SARDH: variants seen among roughly 807,000 people sequenced by gnomAD.
SARDH encodes the protein sarcosine dehydrogenase, also known as sarcosine dehydrogenase, mitochondrial.
Under a neutral mutation model 109.1 loss-of-function variants are expected in SARDH, and 95 were observed. That is an observed-to-expected ratio of 0.87 (90% CI 0.74 to 1.03). SARDH has a LOEUF of 1.03. Ranked by LOEUF, SARDH falls within the 50% of genes least tolerant of loss-of-function variation. The pLI is 0.00. For synonymous variants in SARDH, 572 were observed against 534.8 expected (o/e 1.07, Z -0.96); for missense variants, 1,267 against 1,287.8 (o/e 0.98, Z 0.25).
chr9:133,682,712 C>T lies in SARDH; in HGVS notation c.2163+2481G>A, dbSNP rs534401294. On this transcript the variant is annotated intron_variant, in intron 17 of 20. Transcript: ENST00000439388. ...CTCAGCCCCTGTGCTGAAACCCATGCGCAGTGATGGTTGGAAACTGCTAGA... is the reference window on the plus strand; with the variant it reads ...CTCAGCCCCTGTGCTGAAACCCATGTGCAGTGATGGTTGGAAACTGCTAGA... 8.7e-5 allele frequency among the ~76,000 whole-genome samples: 10 copies of T among 115,332 alleles called. 1 individual carries two copies. Among genetic ancestry groups the T allele is most frequent in the Admixed American group, 3.4e-4 (4 of 11,858 alleles). 75.7% of individuals were successfully genotyped at this position (115,332 alleles called of 152,430 possible).
intron 6 of SARDH, among the ~76,000 whole-genome samples, chr9:133,723,382 T>C (rs1421698099): frequency 1.3e-5 from 2 of 152,212 alleles, no homozygotes; most frequent in Non-Finnish European, 2.9e-5. Context: ...GATACCAAAC[T>C]TACTGCAAAG....
chr9:133,695,406 G>A (rs1831248120), intron 14 of SARDH, among the ~76,000 whole-genome samples: 1 of 152,208 alleles, frequency 6.6e-6, no homozygotes, highest in Non-Finnish European at 1.5e-5. Context: ...TCGCGCCATT[G>A]CACTCCAGCC....
chr9:133,717,446 T>C lies in SARDH; in HGVS notation c.1030A>G (p.Lys344Glu). The C allele has an allele frequency of 6.2e-7, 1 of 1,614,030 alleles. No homozygotes were observed. The highest frequency in any genetic ancestry group is 8.5e-7 in the Non-Finnish European group (1 of 1,179,966). Residue 344 changes from lysine (K) to glutamate (E), a missense_variant, in exon 8 of 21, where the codon AAG becomes GAG. Coordinates refer to ENST00000439388, the MANE Select transcript of SARDH (RefSeq NM_001134707.2). Reference protein sequence around the residue: ...NPIFWEEVSDKFAFGLFDLDW... With the variant: ...NPIFWEEVSDEFAFGLFDLDW... ...AGGTCAAAGAGGCCGAAGGCAAACT[T>C]GTCTGACACCTGCCAAGGCAGGGCA...
At chr9:133,737,130 T>C (rs1832910912) in intron 1 of SARDH, among the ~76,000 whole-genome samples, 1 of 152,222 alleles carries the variant, frequency 6.6e-6, no homozygotes, top group Non-Finnish European at 1.5e-5. Flanking sequence ...TGCCACACTC[T>C]GTCCCACCTG....
chr9:133,670,503 G>A, intron 19 of SARDH, 81 bp downstream of exon 19: 1 of 1,448,164 alleles, frequency 6.9e-7, no homozygotes, highest in Non-Finnish European at 9.4e-7. Context: ...CAGGGGCTTT[G>A]AGTGGGGGAC....
chr9:133,703,280 A>G lies in SARDH; in HGVS notation c.1555-251T>C, dbSNP rs961490593. 9 of 530,094 alleles carry G rather than the reference A, an allele frequency of 1.7e-5. No individual in the cohort carries two copies. The South Asian group carries it at 2.1e-4, about 12-fold the overall frequency. The allele number at this position is 530,094 out of a possible 1,614,324, so 32.8% of individuals were successfully genotyped here. Reference sequence around the variant, plus strand: ...GCCCAGCCAGGGCCCAGGAGGCTGGAGGAGGAGCTGGATGCACCCAAGGTG... The same window carrying G: ...GCCCAGCCAGGGCCCAGGAGGCTGGGGGAGGAGCTGGATGCACCCAAGGTG... On this transcript the variant is annotated intron_variant, in intron 12 of 20. Transcript: ENST00000439388.
chr9:133,674,349 A>C (rs1266426843), intron 17 of SARDH, among the ~76,000 whole-genome samples: 1 of 152,252 alleles, frequency 6.6e-6, no homozygotes, highest in African/African-American at 2.4e-5. Context: ...TGCACCAAGC[A>C]CATGGTCCCG....
chr9:133,694,327 C>T lies in SARDH; in HGVS notation c.1852G>A (p.Glu618Lys), dbSNP rs1052342276. ...TCMLNHRGGT[E>K]SDLTVSRLAP... is the part of the protein sequence containing the mutation. ...AGGCGGCTGACAGTCAGGTCACTCTCGGTGCCCCCACGGTGGTTGAGCATG... is the reference window on the plus strand; with the variant it reads ...AGGCGGCTGACAGTCAGGTCACTCTTGGTGCCCCCACGGTGGTTGAGCATG... Residue 618 changes from glutamate (E) to lysine (K), a missense_variant, in exon 15 of 21, where the codon GAG becomes AAG. Transcript: ENST00000439388. 15 of 1,550,614 alleles carry T rather than the reference C, an allele frequency of 9.7e-6. No individual in the cohort carries two copies. The highest frequency in any genetic ancestry group is 2.4e-5 in the East Asian group (1 of 40,930).
rs1311197658 is a variant in SARDH, at chr9:133,718,522, A to G, written c.1020+416T>C. ...TTCCATGTGTGGACTAAATGCATAT[A>G]CACATAGAACAGGGCTGCAGGGCTG... On this transcript the variant is annotated intron_variant, in intron 7 of 20. Coordinates refer to ENST00000439388, the MANE Select transcript of SARDH (RefSeq NM_001134707.2). This position sits in a 1 kb window ranked among gnomAD's most constrained non-coding sequence, Gnocchi z 4.2. 1.6e-6 allele frequency: 1 copy of G among 635,044 alleles called. No homozygotes were observed. The highest frequency in any genetic ancestry group is 2.6e-5 in the East Asian group (1 of 38,318). The allele number at this position is 635,044 out of a possible 1,614,324, so 39.3% of individuals were successfully genotyped here.
At chr9:133,673,745 T>C (rs917928322) in intron 17 of SARDH, among the ~76,000 whole-genome samples, 1 of 152,250 alleles carries the variant, frequency 6.6e-6, no homozygotes, top group African/African-American at 2.4e-5. Flanking sequence ...AGATAGCCTA[T>C]GGAGGAGCTC....
At chr9:133,667,010 C>T (rs747150411) in intron 19 of SARDH, 140 bp from the exon 20 acceptor site, 3 of 1,174,672 alleles carry the variant, frequency 2.6e-6, no homozygotes, top group Non-Finnish European at 3.7e-6. Flanking sequence ...CCTACTAGGA[C>T]TACGCTGGTC....
rs567357305 is a variant in SARDH at position 133,687,045 on chromosome 9, G to C, written c.2070-1759C>G. Among the ~76,000 whole-genome samples, 7 of 152,268 alleles carry C rather than the reference G, an allele frequency of 4.6e-5. No homozygotes were observed. The East Asian group carries it at 1.4e-3, about 29-fold the overall frequency. ...CCTCAGGGGAAGCCCAGTTCCAGGG[G>C]TCCACGAGCTTCCCAGTCAGAGGCC... is the stretch of plus-strand genomic sequence containing the variant. On this transcript the variant is annotated intron_variant, in intron 16 of 20. Transcript: ENST00000439388.
At chr9:133,687,382 A>G (rs2519071) in intron 16 of SARDH, among the ~76,000 whole-genome samples, 72,879 of 152,094 alleles carry the variant, frequency 0.48, 19,916 homozygotes, top group African/African-American at 0.76. Context: ...GCGATCCTCC[A>G]GCCTTGGGCT....
At chr9:133,685,333 G>A (rs531925998) in intron 16 of SARDH, 47 bp from the exon 17 acceptor site, 3 of 1,564,246 alleles carry the variant, frequency 1.9e-6, no homozygotes, top group African/African-American at 1.3e-5. Flanking sequence ...CTCACGGGTG[G>A]GGCCTGGGCA....
intron 13 of SARDH, among the ~76,000 whole-genome samples, chr9:133,698,912 T>C (rs80239667): frequency 0.013 from 2,019 of 152,060 alleles, 49 homozygotes; most frequent in African/African-American, 0.046. Context: ...TAGAGATGAA[T>C]TGGACAGCAT....
intron 17 of SARDH, among the ~76,000 whole-genome samples, chr9:133,677,714 G>C (rs887620694): frequency 2.6e-5 from 4 of 152,214 alleles, no homozygotes; most frequent in African/African-American, 7.2e-5. Flanking sequence ...CTGGGGGCAA[G>C]GGCTCAGGAC....
At chr9:133,711,021 G>C (rs1034859380) in intron 10 of SARDH, among the ~76,000 whole-genome samples, 2 of 152,234 alleles carry the variant, frequency 1.3e-5, no homozygotes, top group Admixed American at 6.5e-5. Flanking sequence ...TTGGCTCCCA[G>C]CCCCAGAGCA....
At position 133,708,335 on chromosome 9, in the gene SARDH, G is replaced by A. The variant is rs759047864; in HGVS notation, c.1422C>T (p.His474=). Residue 474 remains histidine (H), a synonymous_variant, in exon 11 of 21, where the codon CAC becomes CAT. Coordinates refer to ENST00000439388, the MANE Select transcript of SARDH (RefSeq NM_001134707.2). Reference sequence around the variant, plus strand: ...TGTTGCGCCCGGCCAGCGGCTCATCGTGGGGGAAGACGACGGAGTAGTTCT... The same window carrying A: ...TGTTGCGCCCGGCCAGCGGCTCATCATGGGGGAAGACGACGGAGTAGTTCT... ...YAKNYSVVFP[H]DEPLAGRNMR... The A allele has an allele frequency of 6.8e-6, 11 of 1,613,348 alleles. No individual in the cohort carries two copies. Among genetic ancestry groups the A allele is most frequent in the South Asian group, 3.3e-5 (3 of 91,072 alleles).
intron 17 of SARDH, among the ~76,000 whole-genome samples, chr9:133,673,013 T>C (rs1380841028): frequency 6.6e-6 from 1 of 152,136 alleles, no homozygotes; most frequent in Non-Finnish European, 1.5e-5. Context: ...CTTGCAACGG[T>C]GGGAACACGG....
Sources: allele counts gnomAD v4.1 joint callset (sites outside exome capture counted in the v4.1 genomes callset), GRCh38; gene constraint gnomAD v4.1.1; non-coding constraint Gnocchi (gnomAD v3.1); transcripts MANE v1.5; gene names NCBI Gene and HGNC (gene_info 2026-07-23, HGNC 2026-07-21).